MELK: variants seen among roughly 807,000 people sequenced by gnomAD.
MELK encodes the protein pEg3 kinase.
In MELK, 81 loss-of-function variants were observed where a neutral mutation model predicts 85.0. The ratio of observed to expected loss-of-function variants is 0.95; its 90% CI spans 0.80 to 1.15. The LOEUF is 1.15. MELK is among the 50% of genes most tolerant of loss of function. The pLI is 0.00. For missense variants in MELK, 754 were observed against 777.5 expected, an observed-to-expected ratio of 0.97 and a Z score of 0.36; for synonymous variants, 252 against 265.0, an observed-to-expected ratio of 0.95 and a Z score of 0.48.
chr9:36,615,416 G>C, intron 8 of MELK, among the ~76,000 whole-genome samples: 1 of 121,822 alleles, frequency 8.2e-6, no homozygotes, highest in Non-Finnish European at 1.7e-5. Context: ...CCTCCCTCCC[G>C]GACGGCACGG....
chr9:36,660,091 G>A (rs1831642097), intron 13 of MELK, among the ~76,000 whole-genome samples: 1 of 152,136 alleles, frequency 6.6e-6, no homozygotes, highest in Admixed American at 6.5e-5. Flanking sequence ...GAGCCACCAT[G>A]CCCAGCCCCT....
intron 16 of MELK, among the ~76,000 whole-genome samples, chr9:36,673,102 A>C (rs912044257): frequency 2.0e-5 from 3 of 152,244 alleles, no homozygotes; most frequent in Non-Finnish European, 2.9e-5. Context: ...GAAGCAGTCT[A>C]TAAAAAATCC....
At chr9:36,659,705 T>A (rs1469956472) in intron 13 of MELK, among the ~76,000 whole-genome samples, 1 of 152,232 alleles carries the variant, frequency 6.6e-6, no homozygotes, top group Non-Finnish European at 1.5e-5. Context: ...GCCAGGCAGC[T>A]GACAACTCTG....
intron 1 of MELK, among the ~76,000 whole-genome samples, chr9:36,576,480 G>A (rs759993280): frequency 3.3e-5 from 5 of 151,978 alleles, no homozygotes; most frequent in Admixed American, 6.6e-5. Context: ...CTTGAGTGTC[G>A]ATATTTTTCC....
At chr9:36,578,114 C>G (rs184812491) in intron 1 of MELK, among the ~76,000 whole-genome samples, 3 of 152,326 alleles carry the variant, frequency 2.0e-5, no homozygotes, top group Non-Finnish European at 4.4e-5. Context: ...TTTGCCACTC[C>G]TAGCTGTAGG....
intron 7 of MELK, among the ~76,000 whole-genome samples, chr9:36,603,832 T>C (rs1249165167): frequency 1.3e-5 from 2 of 152,216 alleles, no homozygotes; most frequent in African/African-American, 2.4e-5. Flanking sequence ...TACTTTCAGT[T>C]AACTGAAAAA....
intron 11 of MELK, among the ~76,000 whole-genome samples, chr9:36,643,824 C>T (rs965155560): frequency 2.6e-4 from 39 of 151,246 alleles, no homozygotes; most frequent in African/African-American, 9.2e-4. Flanking sequence ...GTCTCAGCTA[C>T]TTGGGAGGCT....
rs561012111 is a variant in MELK at position 36,668,975 on chromosome 9, T to C, written c.1409-335T>C. On this transcript the variant is annotated intron_variant, in intron 14 of 17. Coordinates refer to ENST00000298048, the MANE Select transcript of MELK (RefSeq NM_014791.4). ...TTGTATAAATACAGATTGACTTTTA[T>C]TTTTAGAAAAAGAATCAGTAATTAT... is the stretch of plus-strand genomic sequence containing the variant. Among the ~76,000 whole-genome samples, 5 of 152,334 alleles carry C rather than the reference T, an allele frequency of 3.3e-5. No homozygotes were observed. The South Asian group carries it at 1.0e-3, about 32-fold the overall frequency.
chr9:36,603,431 T>C (rs1825131449), intron 7 of MELK, among the ~76,000 whole-genome samples: 1 of 152,058 alleles, frequency 6.6e-6, no homozygotes. Flanking sequence ...CTCCCAATTA[T>C]TTTATCTTTT....
chr9:36,639,790 CAT>C (rs996516159), intron 10 of MELK, among the ~76,000 whole-genome samples: 3 of 152,202 alleles, frequency 2.0e-5, no homozygotes, highest in African/African-American at 7.2e-5. Flanking sequence ...CTTTCTCACA[CAT>C]ATGCCTTGTG....
chr9:36,625,911 A>G (rs1827883635), intron 8 of MELK, among the ~76,000 whole-genome samples: 1 of 152,132 alleles, frequency 6.6e-6, no homozygotes, highest in Non-Finnish European at 1.5e-5. Flanking sequence ...AAAAAAGAAA[A>G]AATTATGAAG....
chr9:36,599,367 T>G, intron 6 of MELK, 27 bp from the exon 7 acceptor site: 2 of 1,370,602 alleles, frequency 1.5e-6, no homozygotes. Context: ...TTGTAATTAA[T>G]AAGTTTCATT....
intron 15 of MELK, among the ~76,000 whole-genome samples, chr9:36,670,428 T>A (rs1317724929): frequency 6.6e-6 from 1 of 152,102 alleles, no homozygotes; most frequent in Non-Finnish European, 1.5e-5. Flanking sequence ...GAAGACAACA[T>A]CCTTATTCAT....
At chr9:36,575,274 C>T (rs186185504) in intron 1 of MELK, among the ~76,000 whole-genome samples, 57 of 152,324 alleles carry the variant, frequency 3.7e-4, no homozygotes, top group African/African-American at 1.3e-3. Context: ...CTGTCTTCCG[C>T]GTTGACTGAT....
chr9:36,657,248 A>G lies in MELK; in HGVS notation c.1061A>G (p.Asn354Ser), dbSNP rs147502395. Residue 354 changes from asparagine to serine, a missense_variant, in exon 13 of 18, where the codon AAT becomes AGT. Coordinates refer to ENST00000298048, the MANE Select transcript of MELK (RefSeq NM_014791.4). ...CTGTCTTTCATTGAGTAGTCAAATA[A>G]TTGGAGTCTGGAAGATGTGACCGCA... Reference protein sequence around the residue: ...ATPFTDIKSNNWSLEDVTASD... With the variant: ...ATPFTDIKSNSWSLEDVTASD... The G allele has an allele frequency of 6.2e-7, 1 of 1,611,202 alleles. No homozygotes were observed. The highest frequency in any genetic ancestry group is 8.5e-7 in the Non-Finnish European group (1 of 1,179,278).
At chr9:36,623,698 C>G (rs1019530206) in intron 8 of MELK, among the ~76,000 whole-genome samples, 5 of 152,206 alleles carry the variant, frequency 3.3e-5, no homozygotes, top group African/African-American at 1.2e-4. Flanking sequence ...ATGCCTTTAG[C>G]CTTTCTTGCT....
intron 5 of MELK, among the ~76,000 whole-genome samples, chr9:36,595,444 C>A (rs900537321): frequency 2.0e-5 from 3 of 151,944 alleles, no homozygotes; most frequent in Non-Finnish European, 4.4e-5. Context: ...CCAGGCCAGT[C>A]TGGTCTTGAA....
At chr9:36,668,601 C>T (rs1488904602) in intron 14 of MELK, among the ~76,000 whole-genome samples, 1 of 55,274 alleles carries the variant, frequency 1.8e-5, no homozygotes, top group Non-Finnish European at 7.5e-5. Flanking sequence ...CAACATCTGC[C>T]TACTGGGTTC....
In MELK at chr9:36,577,844, G is replaced by T. The variant is rs192469326; in HGVS notation, c.-38-3800G>T. On this transcript the variant is annotated intron_variant, in intron 1 of 17. Transcript: ENST00000298048. ...TTTTTTATATTTTTAGTAGAGACGG[G>T]GTTTCTCCATGTTGGTCAGGCTGGT... Among the ~76,000 whole-genome samples, 311 of 151,736 alleles carry T rather than the reference G, an allele frequency of 2.0e-3. 1 individual carries two copies. Among genetic ancestry groups the T allele is most frequent in the African/African-American group, 6.8e-3 (282 of 41,366 alleles).
Sources: allele counts gnomAD v4.1 joint callset (sites outside exome capture counted in the v4.1 genomes callset), GRCh38; gene constraint gnomAD v4.1.1; transcripts MANE v1.5; gene names NCBI Gene and HGNC (gene_info 2026-07-23, HGNC 2026-07-21).